The following TMEM245 variants were observed in gnomAD, a reference collection of about 807,000 sequenced individuals.
TMEM245 encodes the protein transmembrane protein 245.
A neutral mutation model predicts 101.2 loss-of-function variants in TMEM245; 69 were observed. The observed-to-expected ratio is 0.68, with a 90% CI of 0.56 to 0.83. The LOEUF (loss-of-function observed/expected upper bound fraction) is 0.83, where lower values mean the gene tolerates loss of function less well. TMEM245 is among the 40% of genes least tolerant of loss of function. The pLI is 0.00. For synonymous variants in TMEM245, 537 were observed against 449.8 expected (o/e 1.19, Z -2.45); for missense variants, 1,075 against 1,092.8 (o/e 0.98, Z 0.23).
At chr9:109,035,984 C>G in intron 16 of TMEM245, 1 of 92,312 alleles carries the variant, frequency 1.1e-5, no homozygotes, top group Non-Finnish European at 1.8e-5. Flanking sequence ...TCTGGGGCAA[C>G]AACAACCAAA....
At chr9:109,065,764 A>AT (rs1409539750) in intron 9 of TMEM245, among the ~76,000 whole-genome samples, 6 of 152,136 alleles carry the variant, frequency 3.9e-5, no homozygotes, top group Non-Finnish European at 7.4e-5. Context: ...AACAGTCCTC[A>AT]TTTCAACTAT....
intron 3 of TMEM245, among the ~76,000 whole-genome samples, chr9:109,098,847 A>C (rs1238138892): frequency 1.3e-5 from 2 of 152,236 alleles, no homozygotes; most frequent in Non-Finnish European, 2.9e-5. Flanking sequence ...CATGCTACTG[A>C]CATTAGCAGC....
intron 11 of TMEM245, 63 bp downstream of exon 11, chr9:109,060,291 T>C (rs1828970500): frequency 2.6e-6 from 3 of 1,174,636 alleles, no homozygotes; most frequent in South Asian, 1.4e-5. Flanking sequence ...TCCTATCTAG[T>C]TGATGAGTCA....
chr9:109,075,321 G>A (rs1829464914), intron 8 of TMEM245, among the ~76,000 whole-genome samples: 1 of 152,152 alleles, frequency 6.6e-6, no homozygotes, highest in Non-Finnish European at 1.5e-5. Flanking sequence ...ATACTGGTCT[G>A]CAGTTTCCCT....
At chr9:109,027,921 A>T (rs566754040) in intron 17 of TMEM245, among the ~76,000 whole-genome samples, 1 of 151,346 alleles carries the variant, frequency 6.6e-6, no homozygotes, top group Non-Finnish European at 1.5e-5. Flanking sequence ...ACCTCAGGTG[A>T]TCTACCCACC....
chr9:109,068,285 G>C (rs1398781015), intron 9 of TMEM245, among the ~76,000 whole-genome samples: 1 of 151,712 alleles, frequency 6.6e-6, no homozygotes, highest in Non-Finnish European at 1.5e-5. Context: ...CAGGAGAATG[G>C]CGTGCACCTG....
chr9:109,115,177 T>C (rs1830682236), intron 1 of TMEM245, among the ~76,000 whole-genome samples: 2 of 152,100 alleles, frequency 1.3e-5, no homozygotes, highest in Admixed American at 6.5e-5. Context: ...TGAAACCCCG[T>C]CTCTATTAAA....
intron 8 of TMEM245, 83 bp downstream of exon 8, chr9:109,080,756 G>T: frequency 3.7e-6 from 3 of 813,818 alleles, no homozygotes; most frequent in Non-Finnish European, 2.0e-6. Context: ...CATTTTCCAT[G>T]CCCCTTCTGC....
chr9:109,116,189 G>T (rs1012134019), intron 1 of TMEM245, among the ~76,000 whole-genome samples: 1 of 152,156 alleles, frequency 6.6e-6, no homozygotes, highest in Non-Finnish European at 1.5e-5. Context: ...CATCTATACT[G>T]CTCTTCAGCA....
chr9:109,113,735 C>A (rs549503484), intron 1 of TMEM245, among the ~76,000 whole-genome samples: 2 of 152,196 alleles, frequency 1.3e-5, no homozygotes, highest in Non-Finnish European at 2.9e-5. Context: ...ACTGGAAAAA[C>A]AACTTGGTTG....
chr9:109,080,733 T>C, intron 8 of TMEM245, 106 bp downstream of exon 8: 1 of 718,556 alleles, frequency 1.4e-6, no homozygotes, highest in Non-Finnish European at 2.4e-6. Context: ...TACATACTTT[T>C]AAATCAAGTT....
At chr9:109,060,037 G>C (rs1015764130) in intron 11 of TMEM245, among the ~76,000 whole-genome samples, 2 of 152,170 alleles carry the variant, frequency 1.3e-5, no homozygotes, top group Non-Finnish European at 2.9e-5. Flanking sequence ...AATTCGTTTA[G>C]TATAAGTATT....
At chr9:109,060,213 T>C in intron 11 of TMEM245, 141 bp downstream of exon 11, 1 of 613,224 alleles carries the variant, frequency 1.6e-6, no homozygotes, top group Non-Finnish European at 2.8e-6. Context: ...CACTGACTTT[T>C]AGTGACCTGA....
In TMEM245 at chr9:109,027,701, C is replaced by T. The variant is rs147246708; in HGVS notation, c.2594+5606G>A. On this transcript the variant is annotated intron_variant, in intron 17 of 17. Transcript: ENST00000374586. ...CTCTTTTTTTTTTGAGACAGAGTCT[C>T]GCTCTGTTGCCCAGGCTGCAGTGCA... Among the ~76,000 whole-genome samples the T allele has an allele frequency of 1.6e-4, 24 of 152,014 alleles. 1 individual carries two copies. The Middle Eastern group carries it at 0.017, about 108-fold the overall frequency.
At chr9:109,109,133 G>C (rs1403476556) in intron 1 of TMEM245, among the ~76,000 whole-genome samples, 1 of 152,114 alleles carries the variant, frequency 6.6e-6, no homozygotes, top group Non-Finnish European at 1.5e-5. Context: ...CTAATCCAGA[G>C]TTATGATGCA....
intron 6 of TMEM245, 29 bp downstream of exon 6, chr9:109,087,144 A>G (rs1390919985): frequency 6.3e-7 from 1 of 1,576,438 alleles, no homozygotes; most frequent in Non-Finnish European, 8.6e-7. Flanking sequence ...AACTCCATTA[A>G]GACAGCCCAA....
chr9:109,105,963 G>A (rs917189295), intron 3 of TMEM245, among the ~76,000 whole-genome samples: 3 of 152,064 alleles, frequency 2.0e-5, no homozygotes, highest in Non-Finnish European at 4.4e-5. Context: ...TAGTAGAGAC[G>A]GGGTTTCACC....
chr9:109,029,627 G>A (rs535469660), intron 17 of TMEM245, among the ~76,000 whole-genome samples: 42 of 152,272 alleles, frequency 2.8e-4, no homozygotes, highest in African/African-American at 8.9e-4. Context: ...AAATCTATAA[G>A]AGGATGTGCT....
intron 17 of TMEM245, among the ~76,000 whole-genome samples, chr9:109,033,022 C>T (rs950169406): frequency 6.6e-6 from 1 of 152,156 alleles, no homozygotes; most frequent in African/African-American, 2.4e-5. Context: ...TGGGCTCGAA[C>T]TCCTGACCTC....
Sources: gnomAD v4.1 joint callset for allele counts (sites outside exome capture counted in the v4.1 genomes callset) on GRCh38, gnomAD v4.1.1 for gene constraint, MANE v1.5 for transcripts, NCBI Gene and HGNC (gene_info 2026-07-23, HGNC 2026-07-21) for gene names.